Variants in PLCB1 observed in about 807,000 individuals in gnomAD.
PLCB1 encodes the protein 1-phosphatidylinositol 4,5-bisphosphate phosphodiesterase beta-1.
Under a neutral mutation model 161.8 loss-of-function variants are expected in PLCB1, and 46 were observed. The ratio of observed to expected loss-of-function variants is 0.28; its 90% confidence interval spans 0.22 to 0.36. PLCB1 has a LOEUF of 0.36. Among genes scored for constraint, PLCB1 ranks in the 10% least tolerant of loss-of-function variants. The pLI, the probability that PLCB1 is intolerant of heterozygous loss-of-function variation, is 1.00. For synonymous variants in PLCB1, 517 were observed against 503.7 expected (o/e 1.03, Z -0.35); for missense variants, 1,016 against 1,472.5 (o/e 0.69, Z 5.07).
Position 8,717,719 on chromosome 20 carries a change from A to G in PLCB1, c.1384A>G (p.Ile462Val), listed in dbSNP as rs1404972775. ...AAGCCCTATGGATTTAATGTATAAA[A>G]TTTTGGTGAAAAATAAGAAGAAATC... ...LPSPMDLMYK[I>V]LVKNKKKSHK... Residue 462 changes from isoleucine (I) to valine (V), a missense_variant, in exon 14 of 32, where the codon ATT becomes GTT. Around this residue, in one of 10 missense-constraint regions of PLCB1, gnomAD observed 109 missense variants for 129.7 expected, o/e 0.84. Coordinates refer to ENST00000338037, the MANE Select transcript of PLCB1 (RefSeq NM_015192.4). 1 of 1,613,718 alleles carries G rather than the reference A, an allele frequency of 6.2e-7. No homozygotes were observed. The highest frequency in any genetic ancestry group is 8.5e-7 in the Non-Finnish European group (1 of 1,179,800).
At position 8,337,836 on chromosome 20, in the gene PLCB1, G is replaced by A. The variant is rs150703456; in HGVS notation, c.178-33546G>A. On this transcript the variant is annotated intron_variant, in intron 2 of 31. Transcript: ENST00000338037. ...GTAAGTTAACTATGTTTAAGATTTA[G>A]TATTCACTCCTTAAAATGTTTTTCT... Among the ~76,000 whole-genome samples, 1,291 of 152,204 alleles carry A rather than the reference G, an allele frequency of 8.5e-3. 50 individuals are homozygous for A. The highest frequency in any genetic ancestry group is 0.075 in the Admixed American group (1,136 of 15,224).
intron 2 of PLCB1, among the ~76,000 whole-genome samples, chr20:8,273,298 A>G (rs996692374): frequency 6.6e-6 from 1 of 152,186 alleles, no homozygotes; most frequent in Non-Finnish European, 1.5e-5. Flanking sequence ...TCATTTCATT[A>G]ATATTAACCA....
chr20:8,620,259 T>G (rs564481391), intron 3 of PLCB1, among the ~76,000 whole-genome samples: 1 of 152,160 alleles, frequency 6.6e-6, no homozygotes, highest in Non-Finnish European at 1.5e-5. Flanking sequence ...TACTCACAAC[T>G]TGTTATGTGC....
chr20:8,286,827 T>C (rs1465520741), intron 2 of PLCB1, among the ~76,000 whole-genome samples: 1 of 152,176 alleles, frequency 6.6e-6, no homozygotes, highest in Admixed American at 6.6e-5. Flanking sequence ...GCTTTATTTT[T>C]AATATAATAC....
chr20:8,762,173 G>A (rs1272927037), intron 25 of PLCB1, among the ~76,000 whole-genome samples: 11 of 152,138 alleles, frequency 7.2e-5, no homozygotes, highest in Admixed American at 4.6e-4. Context: ...TTGCGCCATT[G>A]CACTCCAGCC....
chr20:8,815,854 A>G (rs375609164), intron 31 of PLCB1, among the ~76,000 whole-genome samples: 18 of 152,236 alleles, frequency 1.2e-4, no homozygotes, highest in African/African-American at 4.3e-4. Context: ...CCTCTATAGC[A>G]TCAATAATAT....
intron 3 of PLCB1, among the ~76,000 whole-genome samples, chr20:8,405,432 A>G (rs1023236224): frequency 1.3e-5 from 2 of 152,312 alleles, no homozygotes. Flanking sequence ...CAGGCACTCC[A>G]TCAATTACGC....
intron 3 of PLCB1, among the ~76,000 whole-genome samples, chr20:8,546,015 CA>C (rs1185255686): frequency 2.0e-5 from 3 of 152,036 alleles, no homozygotes; most frequent in Non-Finnish European, 4.4e-5. Context: ...GATTGTTGAA[CA>C]TAAGAAACTG....
At chr20:8,445,143 T>A (rs998708483) in intron 3 of PLCB1, among the ~76,000 whole-genome samples, 1 of 152,168 alleles carries the variant, frequency 6.6e-6, no homozygotes, top group African/African-American at 2.4e-5. Context: ...CTAAATGGTA[T>A]TGCCTAGGTT....
At chr20:8,866,976 C>T (rs541680280) in intron 31 of PLCB1, among the ~76,000 whole-genome samples, 1 of 152,106 alleles carries the variant, frequency 6.6e-6, no homozygotes, top group African/African-American at 2.4e-5. Flanking sequence ...CCTGATAAAA[C>T]CCTAGGACGG....
intron 3 of PLCB1, among the ~76,000 whole-genome samples, chr20:8,627,499 G>A (rs1243448607): frequency 6.6e-6 from 1 of 152,164 alleles, no homozygotes; most frequent in African/African-American, 2.4e-5. Flanking sequence ...TTTGCTAAGT[G>A]ATTGATTTGA....
chr20:8,566,739 T>C (rs1451014590), intron 3 of PLCB1, among the ~76,000 whole-genome samples: 1 of 152,094 alleles, frequency 6.6e-6, no homozygotes, highest in Non-Finnish European at 1.5e-5. Flanking sequence ...TTACAGGTGG[T>C]GAAGTCTGTT....
chr20:8,331,362 T>TTTC (rs1283211687), intron 2 of PLCB1, among the ~76,000 whole-genome samples: 8 of 150,034 alleles, frequency 5.3e-5, no homozygotes, highest in African/African-American at 2.0e-4. Flanking sequence ...TTTTTTTTTT[T>TTTC]TTCTATGTTC....
chr20:8,336,627 G>C (rs1358196266), intron 2 of PLCB1, among the ~76,000 whole-genome samples: 1 of 152,098 alleles, frequency 6.6e-6, no homozygotes, highest in East Asian at 1.9e-4. Flanking sequence ...CGTAGTCCTA[G>C]GACTACACTT....
intron 2 of PLCB1, among the ~76,000 whole-genome samples, chr20:8,171,520 C>G (rs1433636733): frequency 3.9e-5 from 6 of 152,090 alleles, no homozygotes; most frequent in Non-Finnish European, 5.9e-5. Context: ...AATCCCAGCT[C>G]TATCCCTTGT....
intron 31 of PLCB1, among the ~76,000 whole-genome samples, chr20:8,811,624 T>C (rs1984826651): frequency 6.6e-6 from 1 of 152,234 alleles, no homozygotes; most frequent in Non-Finnish European, 1.5e-5. Context: ...CAGCATATAT[T>C]ATTCAGAACA....
intron 2 of PLCB1, among the ~76,000 whole-genome samples, chr20:8,214,285 T>C (rs1371068122): frequency 6.6e-6 from 1 of 152,158 alleles, no homozygotes; most frequent in Non-Finnish European, 1.5e-5. Flanking sequence ...GATGGGATCA[T>C]GGAAGCGGAT....
intron 2 of PLCB1, among the ~76,000 whole-genome samples, chr20:8,276,589 A>G (rs1982557312): frequency 6.6e-6 from 1 of 152,124 alleles, no homozygotes. Flanking sequence ...AACTCCTTAA[A>G]TGAGATTTTT....
At chr20:8,880,039 T>C (rs538291018) in intron 31 of PLCB1, among the ~76,000 whole-genome samples, 1 of 152,268 alleles carries the variant, frequency 6.6e-6, no homozygotes, top group Admixed American at 6.5e-5. Context: ...TCAGGCCTCC[T>C]GAGTCGGACA....
Sources: allele counts gnomAD v4.1 joint callset (sites outside exome capture counted in the v4.1 genomes callset), GRCh38; gene constraint gnomAD v4.1.1; regional missense constraint gnomAD v4.1.1; transcripts MANE v1.5; gene names NCBI Gene and HGNC (gene_info 2026-07-23, HGNC 2026-07-21).